PATJ: variants seen among roughly 807,000 people sequenced by gnomAD.
PATJ encodes PATJ crumbs cell polarity complex component.
In PATJ, 190 loss-of-function variants were observed where a neutral mutation model predicts 224.9. That is an observed-to-expected ratio of 0.84 (90% CI 0.75 to 0.95). The LOEUF (loss-of-function observed/expected upper bound fraction) is 0.95. Ranked by LOEUF, PATJ falls within the 40% of genes least tolerant of loss-of-function variation. PATJ has a pLI of 0.00. For missense variants in PATJ, 2,121 were observed against 2,270.3 expected (o/e 0.93, Z 1.34); for synonymous variants, 769 against 820.3 (o/e 0.94, Z 1.07).
intron 30 of PATJ, among the ~76,000 whole-genome samples, 192 bp downstream of exon 30, chr1:62,038,241 A>G (rs1003191229): frequency 2.0e-5 from 3 of 152,238 alleles, no homozygotes; most frequent in Non-Finnish European, 4.4e-5. Context: ...ACCTAACCAT[A>G]TAAGTATTAC....
chr1:62,049,175 C>G lies in PATJ; in HGVS notation c.4033-1791C>G, dbSNP rs1653109788. On this transcript the variant is annotated intron_variant, in intron 30 of 43. Coordinates refer to ENST00000642238, the MANE Select transcript of PATJ (RefSeq NM_001350145.3). Reference sequence around the variant, plus strand: ...TCGTATGTGATAATTCTTCTGTAATCAAACAGTATAGAAATAATTAATGCA... The same window carrying G: ...TCGTATGTGATAATTCTTCTGTAATGAAACAGTATAGAAATAATTAATGCA... 3.3e-5 allele frequency among the ~76,000 whole-genome samples: 5 copies of G among 150,494 alleles called. No individual in the cohort carries two copies. In the Admixed American group the frequency reaches 3.3e-4, roughly 10 times the overall value.
Position 61,899,727 on chromosome 1 carries a change from A to G in PATJ, c.3203+73A>G, listed in dbSNP as rs186938478. ...TTGCTCTTTTCTTTAACTTAACAGA[A>G]CATTATTTAGTCCTACTCTAATGAT... On this transcript the variant is annotated intron_variant, in intron 23 of 43. Transcript: ENST00000642238. 1.5e-5 allele frequency: 15 copies of G among 1,003,482 alleles called. No homozygotes were observed. In the Admixed American group the frequency reaches 3.4e-4, roughly 23 times the overall value. The allele number at this position is 1,003,482 out of a possible 1,614,324, so 62.2% of individuals were successfully genotyped here.
At position 61,764,220 on chromosome 1, in the gene PATJ, A is replaced by G. The variant is rs572849385; in HGVS notation, c.189+1041A>G. On this transcript the variant is annotated intron_variant, in intron 3 of 43. Coordinates refer to ENST00000642238, the MANE Select transcript of PATJ (RefSeq NM_001350145.3). ...TAGCACAATAGTCACACTTCTCTTAATTATCAAATATTTGTTGTCTTTCAT... is the reference window on the plus strand; with the variant it reads ...TAGCACAATAGTCACACTTCTCTTAGTTATCAAATATTTGTTGTCTTTCAT... 5.3e-5 allele frequency among the ~76,000 whole-genome samples: 8 copies of G among 152,234 alleles called. No individual in the cohort carries two copies. The East Asian group carries it at 1.4e-3, about 26-fold the overall frequency.
chr1:61,785,818 AAG>A (rs1266371122), intron 7 of PATJ, among the ~76,000 whole-genome samples: 1 of 152,174 alleles, frequency 6.6e-6, no homozygotes, highest in African/African-American at 2.4e-5. Flanking sequence ...ATACATATAA[AAG>A]AATGTATATA....
chr1:61,805,184 G>A (rs1042186319), intron 12 of PATJ, among the ~76,000 whole-genome samples: 65 of 152,102 alleles, frequency 4.3e-4, no homozygotes, highest in Admixed American at 2.2e-3. Flanking sequence ...AACTCATCAC[G>A]TCCTCTTTCC....
chr1:62,000,876 T>G (rs1645724284), intron 28 of PATJ, among the ~76,000 whole-genome samples: 1 of 151,192 alleles, frequency 6.6e-6, no homozygotes, highest in African/African-American at 2.5e-5. Context: ...CCTGACTTTT[T>G]AATGATTGCC....
At chr1:61,813,482 C>T (rs1016154733) in intron 14 of PATJ, among the ~76,000 whole-genome samples, 3 of 150,582 alleles carry the variant, frequency 2.0e-5, no homozygotes, top group South Asian at 2.1e-4. Context: ...TTCAGAACCA[C>T]CTTATAAAAA....
intron 28 of PATJ, among the ~76,000 whole-genome samples, chr1:62,002,373 C>T (rs1342418865): frequency 6.6e-6 from 1 of 152,040 alleles, no homozygotes; most frequent in East Asian, 1.9e-4. Context: ...TAATCCTGCC[C>T]CTACAGGACT....
intron 27 of PATJ, among the ~76,000 whole-genome samples, chr1:61,989,028 T>C (rs140362148): frequency 0.011 from 1,640 of 152,292 alleles, 14 homozygotes; most frequent in Middle Eastern, 0.041. Context: ...TTGAGTGTGG[T>C]GGCACACCTG....
intron 21 of PATJ, among the ~76,000 whole-genome samples, chr1:61,879,529 G>A: frequency 6.6e-6 from 1 of 152,058 alleles, no homozygotes; most frequent in Admixed American, 6.6e-5. Context: ...TTTGTAATTT[G>A]GTTTTCCTAT....
At chr1:62,049,201 A>G (rs1653115204) in intron 30 of PATJ, among the ~76,000 whole-genome samples, 1 of 151,248 alleles carries the variant, frequency 6.6e-6, no homozygotes, top group Non-Finnish European at 1.5e-5. Context: ...AATTAATGCA[A>G]AAATTACCCG....
intron 20 of PATJ, among the ~76,000 whole-genome samples, chr1:61,873,278 C>G (rs1666889946): frequency 6.6e-6 from 1 of 152,132 alleles, no homozygotes; most frequent in Non-Finnish European, 1.5e-5. Flanking sequence ...GGCTATCCTC[C>G]CACCTCAGCC....
At chr1:62,114,480 A>G in intron 35 of PATJ, 1 of 406,710 alleles carries the variant, frequency 2.5e-6, no homozygotes. Context: ...TTCTGTACAG[A>G]GTAAGAACAA....
chr1:61,748,246 CTTTTTTT>C (rs35918825), intron 1 of PATJ, among the ~76,000 whole-genome samples: 2 of 65,138 alleles, frequency 3.1e-5, no homozygotes, highest in East Asian at 5.2e-4. Context: ...GCCTTAATGC[CTTTTTTT>C]TTTTTTTTTT....
At chr1:62,023,877 C>T (rs1263053800) in intron 29 of PATJ, among the ~76,000 whole-genome samples, 1 of 152,148 alleles carries the variant, frequency 6.6e-6, no homozygotes, top group African/African-American at 2.4e-5. Flanking sequence ...TCCTTTAATG[C>T]ATAGTCTGTT....
chr1:61,890,589 C>T (rs1203192916), intron 22 of PATJ, among the ~76,000 whole-genome samples: 6 of 152,040 alleles, frequency 3.9e-5, no homozygotes, highest in African/African-American at 1.4e-4. Context: ...CTTGACCTCC[C>T]AGGTTCAAGC....
rs149416813 is a variant in PATJ, at chr1:62,035,465, G to A, written c.3960-2512G>A. Among the ~76,000 whole-genome samples, 80 of 152,186 alleles carry A rather than the reference G, an allele frequency of 5.3e-4. 2 individuals carry two copies. In the East Asian group the frequency reaches 0.011, roughly 21 times the overall value. ...TTAATAGTTAAGCTACTTACTTAAG[G>A]GTTTTAGAAACTGAGACTCTGAGAA... On this transcript the variant is annotated intron_variant, in intron 29 of 43. Coordinates refer to ENST00000642238, the MANE Select transcript of PATJ (RefSeq NM_001350145.3).
At chr1:61,884,463 T>G in intron 22 of PATJ, 55 bp downstream of exon 22, 2 of 1,231,710 alleles carry the variant, frequency 1.6e-6, no homozygotes, top group Non-Finnish European at 2.2e-6. Context: ...TTTTTTTTTT[T>G]TTTTTTTTTT....
chr1:61,863,039 T>G lies in PATJ; in HGVS notation c.2440-1199T>G, dbSNP rs796304508. The stretch of plus-strand genomic sequence containing the variant: ...ATTACTGTTTTCAGTTTTTTTTTTT[T>G]TTTTTTTTTTTTTTGAGATGGTATC... On this transcript the variant is annotated intron_variant, in intron 19 of 43. Coordinates refer to ENST00000642238, the MANE Select transcript of PATJ (RefSeq NM_001350145.3). Among the ~76,000 whole-genome samples the G allele has an allele frequency of 2.7e-3, 387 of 142,604 alleles. 6 individuals are homozygous for G. Among genetic ancestry groups the G allele is most frequent in the African/African-American group, 5.2e-3 (197 of 38,236 alleles). 93.6% of individuals were successfully genotyped at this position (142,604 alleles called of 152,430 possible).
Sources: allele counts gnomAD v4.1 joint callset (sites outside exome capture counted in the v4.1 genomes callset), GRCh38; gene constraint gnomAD v4.1.1; transcripts MANE v1.5; gene names NCBI Gene and HGNC (gene_info 2026-07-23, HGNC 2026-07-21).